The following VAT1L variants were observed in gnomAD, a reference collection of about 807,000 sequenced individuals.
VAT1L encodes vesicle amine transport 1 like.
A neutral mutation model predicts 44.1 loss-of-function variants in VAT1L; 34 were observed. The observed-to-expected ratio is 0.77, with a 90% confidence interval of 0.59 to 1.03. VAT1L has a LOEUF of 1.03. Ranked by LOEUF, VAT1L falls within the 50% of genes least tolerant of loss-of-function variation. The probability of loss-of-function intolerance (pLI) is 0.00; values close to 1 mark genes in which losing one functional copy is unlikely to be tolerated. For synonymous variants in VAT1L, 253 were observed against 202.2 expected, an observed-to-expected ratio of 1.25 and a Z score of -2.13; for missense variants, 615 against 538.8, an observed-to-expected ratio of 1.14 and a Z score of -1.40.
intron 2 of VAT1L, among the ~76,000 whole-genome samples, chr16:77,819,734 T>C (rs1031267574): frequency 2.6e-5 from 4 of 152,334 alleles, no homozygotes; most frequent in East Asian, 3.9e-4. Flanking sequence ...CTTCCGGGGA[T>C]TGGGACACTC....
At chr16:77,952,146 GAGAA>G (rs1323194930) in intron 7 of VAT1L, among the ~76,000 whole-genome samples, 1 of 152,226 alleles carries the variant, frequency 6.6e-6, no homozygotes, top group Non-Finnish European at 1.5e-5. Flanking sequence ...CCAAGTCCTT[GAGAA>G]AGACATTCCT....
At chr16:77,792,206 A>C (rs2015847571) in intron 1 of VAT1L, among the ~76,000 whole-genome samples, 1 of 152,180 alleles carries the variant, frequency 6.6e-6, no homozygotes, top group Non-Finnish European at 1.5e-5. Context: ...GCCATATCTA[A>C]ACCAATGTGA....
intron 4 of VAT1L, among the ~76,000 whole-genome samples, chr16:77,865,839 T>C (rs2016968359): frequency 6.6e-6 from 1 of 152,140 alleles, no homozygotes; most frequent in Admixed American, 6.6e-5. Context: ...ATGGCATCTC[T>C]TCTGAAAAAG....
chr16:77,788,913 C>A lies in VAT1L; in HGVS notation c.231C>A (p.Ala77=). ...QDGELKIRVK[A]CGLNFIDLMV... ...GCGAGCTCAAGATCCGCGTCAAAGC[C>A]TGGTCCAGTATCCGCGCCTTTCTCG... The change falls in exon 1 of 9, where the codon GCC becomes GCA. Residue 77 remains alanine (A), a splice_region_variant and synonymous_variant. Transcript: ENST00000302536. The A allele has an allele frequency of 6.6e-7, 1 of 1,509,058 alleles. No homozygotes were observed. The allele number at this position is 1,509,058 out of a possible 1,614,324, so 93.5% of individuals were successfully genotyped here.
intron 7 of VAT1L, among the ~76,000 whole-genome samples, chr16:77,953,233 A>G (rs2142526211): frequency 6.6e-6 from 1 of 152,308 alleles, no homozygotes; most frequent in Middle Eastern, 3.4e-3. Flanking sequence ...TGACATTTGG[A>G]TTTCAGACTA....
chr16:77,877,963 CAT>C (rs1450705859), intron 5 of VAT1L, among the ~76,000 whole-genome samples: 9 of 152,330 alleles, frequency 5.9e-5, no homozygotes, highest in East Asian at 1.9e-4. Flanking sequence ...ATATGACTAA[CAT>C]GTGAGTCAAA....
At chr16:77,896,845 G>C (rs963381980) in intron 7 of VAT1L, among the ~76,000 whole-genome samples, 1 of 152,200 alleles carries the variant, frequency 6.6e-6, no homozygotes, top group Admixed American at 6.5e-5. Context: ...CTTTACGCCT[G>C]TCATTCAGAT....
intron 3 of VAT1L, among the ~76,000 whole-genome samples, chr16:77,858,090 C>T (rs1411160417): frequency 1.3e-5 from 2 of 152,182 alleles, no homozygotes; most frequent in East Asian, 3.9e-4. Flanking sequence ...GGCACAGGAG[C>T]AGAGGGCCGG....
chr16:77,910,370 C>A (rs781362370), intron 7 of VAT1L, among the ~76,000 whole-genome samples: 1 of 152,158 alleles, frequency 6.6e-6, no homozygotes, highest in Non-Finnish European at 1.5e-5. Context: ...TACAGTATCA[C>A]TTCCTAAGAA....
At chr16:77,922,474 C>G (rs1017971617) in intron 7 of VAT1L, among the ~76,000 whole-genome samples, 1 of 152,212 alleles carries the variant, frequency 6.6e-6, no homozygotes, top group East Asian at 1.9e-4. Flanking sequence ...CCTGCCTTGG[C>G]CTCAGAATGC....
At chr16:77,832,128 CCA>C (rs746112872) in intron 3 of VAT1L, among the ~76,000 whole-genome samples, 110 of 151,876 alleles carry the variant, frequency 7.2e-4, no homozygotes, top group Admixed American at 9.2e-4. Context: ...GTGCGCAGCC[CCA>C]GTGTTGTTTC....
chr16:77,821,600 T>C (rs915928481), intron 2 of VAT1L, among the ~76,000 whole-genome samples: 1 of 152,194 alleles, frequency 6.6e-6, no homozygotes, highest in African/African-American at 2.4e-5. Context: ...GCCTGAAATC[T>C]TGTCTTTACC....
chr16:77,956,755 C>T (rs1436710196), intron 7 of VAT1L, among the ~76,000 whole-genome samples: 1 of 152,182 alleles, frequency 6.6e-6, no homozygotes, highest in Admixed American at 6.5e-5. Context: ...GATAAGAACA[C>T]TTTGGTTGGC....
At chr16:77,957,783 A>G (rs1383591338) in intron 7 of VAT1L, among the ~76,000 whole-genome samples, 1 of 148,784 alleles carries the variant, frequency 6.7e-6, no homozygotes, top group African/African-American at 2.4e-5. Context: ...TATAAAATTT[A>G]TAATAATAAT....
At chr16:77,824,855 A>G (rs561790185) in intron 2 of VAT1L, among the ~76,000 whole-genome samples, 1 of 146,874 alleles carries the variant, frequency 6.8e-6, no homozygotes, top group East Asian at 2.1e-4. Flanking sequence ...GATAGCTCCC[A>G]ATAATGCTTT....
intron 8 of VAT1L, among the ~76,000 whole-genome samples, chr16:77,974,300 C>G: frequency 6.6e-6 from 1 of 152,102 alleles, no homozygotes. Flanking sequence ...TCTTTCAGTC[C>G]CATTTGGAGA....
chr16:77,956,906 A>G (rs1039073346), intron 7 of VAT1L, among the ~76,000 whole-genome samples: 4 of 152,174 alleles, frequency 2.6e-5, no homozygotes, highest in Non-Finnish European at 5.9e-5. Flanking sequence ...TTGTGTAGAC[A>G]ACAGTTATAT....
At chr16:77,970,329 C>G (rs958835264) in intron 7 of VAT1L, among the ~76,000 whole-genome samples, 1 of 152,174 alleles carries the variant, frequency 6.6e-6, no homozygotes, top group Non-Finnish European at 1.5e-5. Context: ...TAATATGTTA[C>G]CAGACTGACG....
chr16:77,881,804 C>T (rs2017158349), intron 6 of VAT1L, among the ~76,000 whole-genome samples: 1 of 152,244 alleles, frequency 6.6e-6, no homozygotes, highest in Non-Finnish European at 1.5e-5. Flanking sequence ...TTGTGCCATG[C>T]ACAGCTGCTC....
Sources: gnomAD v4.1 joint callset for allele counts (sites outside exome capture counted in the v4.1 genomes callset) on GRCh38, gnomAD v4.1.1 for gene constraint, MANE v1.5 for transcripts, NCBI Gene and HGNC (gene_info 2026-07-23, HGNC 2026-07-21) for gene names.